TEX48: variants seen among roughly 807,000 people sequenced by gnomAD.
TEX48 encodes testis expressed 48.
TEX48 carries 10 observed loss-of-function variants against 13.2 expected under a neutral mutation model. The observed-to-expected ratio is 0.75, with a 90% CI of 0.47 to 1.28. The LOEUF is 1.28. Among genes scored for constraint, TEX48 ranks in the 50% most tolerant of loss-of-function variants. The probability of loss-of-function intolerance (pLI) is 0.00; values close to 1 mark genes in which losing one functional copy is unlikely to be tolerated. For synonymous variants in TEX48, 45 were observed against 52.3 expected (o/e 0.86, Z 0.60); for missense variants, 116 against 139.4 (o/e 0.83, Z 0.84).
chr9:114,676,647 C>T lies in TEX48; in HGVS notation c.-104-4820G>A, dbSNP rs541666588. On this transcript the variant is annotated intron_variant, in intron 1 of 4. Coordinates refer to ENST00000436752, the MANE Select transcript of TEX48 (RefSeq NM_001199233.2). ...TTTTTTTTTTTTTGAGATGGAGTCG[C>T]GCTCTGTTGCCCAGGCTGGAGTACA... Among the ~76,000 whole-genome samples the T allele has an allele frequency of 4.0e-4, 60 of 149,258 alleles. No individual in the cohort carries two copies. The South Asian group carries it at 0.011, about 27-fold the overall frequency.
intron 4 of TEX48, among the ~76,000 whole-genome samples, chr9:114,667,543 C>G (rs967109747): frequency 6.6e-6 from 1 of 152,208 alleles, no homozygotes; most frequent in Non-Finnish European, 1.5e-5. Context: ...GGCCCCTGCC[C>G]TCCTGGCACT....
chr9:114,676,373 AT>A (rs1269755178), intron 1 of TEX48, among the ~76,000 whole-genome samples: 1 of 151,604 alleles, frequency 6.6e-6, no homozygotes, highest in East Asian at 2.0e-4. Context: ...ATTTTGCCGT[AT>A]TGCCCAGGCT....
At chr9:114,669,629 C>G (rs28420964) in intron 3 of TEX48, among the ~76,000 whole-genome samples, 1 of 152,030 alleles carries the variant, frequency 6.6e-6, no homozygotes, top group Non-Finnish European at 1.5e-5. Context: ...TTAATAGAGA[C>G]GGGGTTTCTC....
intron 1 of TEX48, among the ~76,000 whole-genome samples, chr9:114,678,516 G>A (rs529225550): frequency 6.6e-6 from 1 of 152,256 alleles, no homozygotes; most frequent in South Asian, 2.1e-4. Context: ...GTTACTTATT[G>A]TCTTGGACTA....
At chr9:114,674,567 TTC>T (rs1316941697) in intron 1 of TEX48, among the ~76,000 whole-genome samples, 1 of 100,360 alleles carries the variant, frequency 1.0e-5, no homozygotes, top group Non-Finnish European at 1.8e-5. Context: ...TCTTCTTTTT[TTC>T]TTTTCTTTCT....
intron 3 of TEX48, among the ~76,000 whole-genome samples, chr9:114,668,898 G>A (rs187852624): frequency 2.8e-4 from 42 of 151,810 alleles, no homozygotes; most frequent in Admixed American, 7.9e-4. Flanking sequence ...GTGCAATGGT[G>A]TGATCATAGC....
chr9:114,666,544 C>G lies in TEX48; in HGVS notation c.*99G>C. 4 of 666,230 alleles carry G rather than the reference C, an allele frequency of 6.0e-6. No individual in the cohort carries two copies. The highest frequency in any genetic ancestry group is 5.0e-6 in the Non-Finnish European group (2 of 402,790). The allele number at this position is 666,230 out of a possible 1,614,324, so 41.3% of individuals were successfully genotyped here. On this transcript the variant is annotated 3_prime_UTR_variant, in exon 5 of 5. Coordinates refer to ENST00000436752, the MANE Select transcript of TEX48 (RefSeq NM_001199233.2). ...AAGGATGGCTCAGATGTCTTCTCCT[C>G]CTTCAGGGGAGTTTCCGAATTAGTC...
At chr9:114,677,525 G>A (rs764851639) in intron 1 of TEX48, among the ~76,000 whole-genome samples, 33 of 152,086 alleles carry the variant, frequency 2.2e-4, no homozygotes, top group Non-Finnish European at 4.6e-4. Flanking sequence ...CTTGCCTCAC[G>A]GGGTTTGGCT....
rs2079145442 is a variant in TEX48, at chr9:114,680,120, C to CTTTTTTTTTTT, written c.-105+1914_-105+1915insAAAAAAAAAAA. Among the ~76,000 whole-genome samples, 46 of 52,112 alleles carry CTTTTTTTTTTT rather than the reference C, an allele frequency of 8.8e-4. 2 individuals are homozygous for CTTTTTTTTTTT. The highest frequency in any genetic ancestry group is 1.6e-3 in the Admixed American group (7 of 4,246). 34.2% of individuals were successfully genotyped at this position (52,112 alleles called of 152,430 possible). A position where few individuals can be genotyped will look rare whatever the true frequency, so the allele number is the denominator to read the frequency against. On this transcript the variant is annotated intron_variant, in intron 1 of 4. Transcript: ENST00000436752. ...GAAAATACTTTTAATTGTCATTGTC[C>CTTTTTTTTTTT]CTTTTTTTTTTTTTTTTTTTTTTTG...
chr9:114,668,834 T>C (rs140590771), intron 3 of TEX48, among the ~76,000 whole-genome samples: 56 of 152,284 alleles, frequency 3.7e-4, no homozygotes, highest in African/African-American at 1.3e-3. Context: ...TGAATTTTAC[T>C]TATCTATTTA....
chr9:114,671,819 G>T lies in TEX48; in HGVS notation c.-96C>A. Reference sequence around the variant, plus strand: ...AGTTTGAGCCCAGTTCACTGGGCTGGGCTGTTTCCTAAGTAAACATAAGAC... The same window carrying T: ...AGTTTGAGCCCAGTTCACTGGGCTGTGCTGTTTCCTAAGTAAACATAAGAC... On this transcript the variant is annotated 5_prime_UTR_variant, in exon 2 of 5. Coordinates refer to ENST00000436752, the MANE Select transcript of TEX48 (RefSeq NM_001199233.2). 1 of 1,351,090 alleles carries T rather than the reference G, an allele frequency of 7.4e-7. No homozygotes were observed. Among genetic ancestry groups the T allele is most frequent in the Non-Finnish European group, 1.0e-6 (1 of 979,446 alleles). 83.7% of individuals were successfully genotyped at this position (1,351,090 alleles called of 1,614,324 possible).
At chr9:114,680,307 G>A (rs889496967) in intron 1 of TEX48, among the ~76,000 whole-genome samples, 3 of 151,858 alleles carry the variant, frequency 2.0e-5, no homozygotes, top group African/African-American at 7.3e-5. Context: ...TTAGTTTTTA[G>A]TAGAGATGGG....
intron 1 of TEX48, among the ~76,000 whole-genome samples, chr9:114,675,387 G>A (rs927603581): frequency 6.6e-5 from 10 of 152,176 alleles, no homozygotes; most frequent in Non-Finnish European, 1.0e-4. Context: ...CCACTGCAAA[G>A]CATATCTATC....
intron 3 of TEX48, 126 bp from the exon 4 acceptor site, chr9:114,668,463 A>T (rs2418316): frequency 0.35 from 257,178 of 726,796 alleles, 45,983 homozygotes; most frequent in African/African-American, 0.41. Flanking sequence ...GTGGGGGTGT[A>T]CCTGAAACTA....
intron 3 of TEX48, among the ~76,000 whole-genome samples, chr9:114,670,832 C>T (rs1424238070): frequency 1.3e-5 from 2 of 152,160 alleles, no homozygotes; most frequent in Non-Finnish European, 2.9e-5. Context: ...TGTTGAGTGC[C>T]TACTCTGTGC....
intron 1 of TEX48, among the ~76,000 whole-genome samples, chr9:114,680,103 T>A (rs972102214): frequency 6.7e-6 from 1 of 150,356 alleles, no homozygotes; most frequent in African/African-American, 2.4e-5. Context: ...TTGAAAATAC[T>A]TTTAATTGTC....
intron 1 of TEX48, among the ~76,000 whole-genome samples, chr9:114,677,049 C>A (rs1430093692): frequency 6.6e-6 from 1 of 152,220 alleles, no homozygotes; most frequent in Non-Finnish European, 1.5e-5. Flanking sequence ...GATCTCCTTC[C>A]TCCCTTCCAC....
At chr9:114,668,014 A>C (rs944690713) in intron 4 of TEX48, among the ~76,000 whole-genome samples, 192 bp downstream of exon 4, 1 of 151,668 alleles carries the variant, frequency 6.6e-6, no homozygotes, top group Non-Finnish European at 1.5e-5. Context: ...CCTAGCTTGG[A>C]AGATAGTGGA....
At chr9:114,672,225 T>C (rs886066261) in intron 1 of TEX48, among the ~76,000 whole-genome samples, 2 of 152,190 alleles carry the variant, frequency 1.3e-5, no homozygotes, top group Non-Finnish European at 2.9e-5. Flanking sequence ...AGGAAGCATA[T>C]GGACTTGTAG....
Sources: gnomAD v4.1 joint callset for allele counts (sites outside exome capture counted in the v4.1 genomes callset) on GRCh38, gnomAD v4.1.1 for gene constraint, MANE v1.5 for transcripts, NCBI Gene and HGNC (gene_info 2026-07-23, HGNC 2026-07-21) for gene names.